The following PRIM2 variants were observed in gnomAD, a reference collection of about 807,000 sequenced individuals.
PRIM2 encodes the protein DNA primase subunit 2.
A neutral mutation model predicts 67.3 loss-of-function variants in PRIM2; 39 were observed. The observed-to-expected ratio is 0.58, with a 90% CI of 0.45 to 0.76. The LOEUF is 0.76. PRIM2 is among the 30% of genes least tolerant of loss of function. The probability of loss-of-function intolerance (pLI) is 0.00; values close to 1 mark genes in which losing one functional copy is unlikely to be tolerated. For synonymous variants in PRIM2, 143 were observed against 198.7 expected (o/e 0.72, Z 2.36); for missense variants, 398 against 598.7 (o/e 0.66, Z 3.50).
intron 7 of PRIM2, among the ~76,000 whole-genome samples, chr6:57,455,721 T>C (rs1260647641): frequency 6.6e-6 from 1 of 152,216 alleles, no homozygotes; most frequent in Non-Finnish European, 1.5e-5. Flanking sequence ...GCCCATTGAT[T>C]GGTCTTGACT....
At chr6:57,232,186 G>T in the PRIM2 span, among the ~76,000 whole-genome samples, 1 of 152,170 alleles carries the variant, frequency 6.6e-6, no homozygotes, top group African/African-American at 2.4e-5. Context: ...ATTAATGATG[G>T]TTATAGACAT....
At chr6:57,292,548 A>G in the PRIM2 span, among the ~76,000 whole-genome samples, 1 of 152,190 alleles carries the variant, frequency 6.6e-6, no homozygotes, top group Non-Finnish European at 1.5e-5. Flanking sequence ...AGACAATCCC[A>G]AGCCAAAAGA....
chr6:57,627,746 A>G (rs1776977431), intron 12 of PRIM2, among the ~76,000 whole-genome samples: 1 of 152,164 alleles, frequency 6.6e-6, no homozygotes, highest in African/African-American at 2.4e-5. Context: ...CAGTAAGTGG[A>G]TTGTTACACT....
chr6:57,372,701 G>C (rs1041137351), intron 5 of PRIM2, among the ~76,000 whole-genome samples: 12 of 152,158 alleles, frequency 7.9e-5, no homozygotes, highest in Non-Finnish European at 1.8e-4. Flanking sequence ...GAGAACATGT[G>C]GTATTTGGTT....
At chr6:57,339,488 G>A (rs1235619126) in intron 5 of PRIM2, among the ~76,000 whole-genome samples, 9 of 152,098 alleles carry the variant, frequency 5.9e-5, no homozygotes, top group Non-Finnish European at 1.3e-4. Context: ...AAACAGCATG[G>A]TACTGGTACC....
chr6:57,376,389 A>G (rs1769766800), intron 5 of PRIM2, among the ~76,000 whole-genome samples: 1 of 152,202 alleles, frequency 6.6e-6, no homozygotes. Context: ...TCAAACCCTG[A>G]TGACTAAGGA....
At chr6:57,227,528 C>T in the PRIM2 span, among the ~76,000 whole-genome samples, 2 of 151,012 alleles carry the variant, frequency 1.3e-5, no homozygotes, top group Admixed American at 6.6e-5. Flanking sequence ...CCTGTAATCT[C>T]AGCTACTCAG....
At chr6:57,262,349 G>C in the PRIM2 span, among the ~76,000 whole-genome samples, 1 of 151,980 alleles carries the variant, frequency 6.6e-6, no homozygotes, top group African/African-American at 2.4e-5. Flanking sequence ...GATTATTTAT[G>C]GCGTAAATCC....
intron 11 of PRIM2, among the ~76,000 whole-genome samples, chr6:57,601,669 C>T (rs1429569691): frequency 3.3e-5 from 5 of 152,094 alleles, no homozygotes; most frequent in Non-Finnish European, 7.4e-5. Context: ...GATTAACCAA[C>T]AAAGATTAAG....
chr6:57,274,045 G>A, the PRIM2 span, among the ~76,000 whole-genome samples: 9 of 152,296 alleles, frequency 5.9e-5, no homozygotes, highest in African/African-American at 1.7e-4. Flanking sequence ...CTACTGGGGG[G>A]TGCCTCCCAG....
At chr6:57,240,877 C>T in the PRIM2 span, among the ~76,000 whole-genome samples, 1 of 151,938 alleles carries the variant, frequency 6.6e-6, no homozygotes, top group Non-Finnish European at 1.5e-5. Flanking sequence ...TCACTTCAAC[C>T]CAGAAGTTCA....
the PRIM2 span, among the ~76,000 whole-genome samples, chr6:57,306,482 G>C: frequency 6.6e-6 from 1 of 152,142 alleles, no homozygotes; most frequent in Admixed American, 6.5e-5. Context: ...CAGTAAAAAG[G>C]ACCTTTGCAT....
At chr6:57,441,638 A>G (rs1772207162) in intron 7 of PRIM2, among the ~76,000 whole-genome samples, 1 of 152,232 alleles carries the variant, frequency 6.6e-6, no homozygotes, top group African/African-American at 2.4e-5. Flanking sequence ...AATCATTAAG[A>G]TATTATGACT....
intron 10 of PRIM2, among the ~76,000 whole-genome samples, chr6:57,574,403 T>G (rs1775924570): frequency 6.6e-6 from 1 of 152,164 alleles, no homozygotes; most frequent in South Asian, 2.1e-4. Flanking sequence ...TACACTTTCC[T>G]TGCTTGTTTG....
In PRIM2 at chr6:57,348,111, G is replaced by A. The variant is rs182119505; in HGVS notation, c.459+22066G>A. Among the ~76,000 whole-genome samples, 691 of 151,902 alleles carry A rather than the reference G, an allele frequency of 4.5e-3. 6 individuals are homozygous for A. The highest frequency in any genetic ancestry group is 6.1e-3 in the Admixed American group (93 of 15,262). ...TAAATATACCATTGGTAGCTTTCTCGGTATAATATTGCCATCTCTAGGGAA... is the reference window on the plus strand; with the variant it reads ...TAAATATACCATTGGTAGCTTTCTCAGTATAATATTGCCATCTCTAGGGAA... On this transcript the variant is annotated intron_variant, in intron 5 of 13. Transcript: ENST00000615550.
chr6:57,315,024 A>G (rs1337346063), upstream of PRIM2: 1 of 152,230 alleles, frequency 6.6e-6, no homozygotes, highest in Non-Finnish European at 1.5e-5. Context: ...TTTTAATATG[A>G]TGAAAAGGCA....
At chr6:57,639,391 T>C (rs1187024246) in intron 13 of PRIM2, among the ~76,000 whole-genome samples, 4 of 151,502 alleles carry the variant, frequency 2.6e-5, no homozygotes, top group African/African-American at 9.7e-5. Flanking sequence ...TGGCAAGAAA[T>C]AACTAAGATC....
intron 10 of PRIM2, among the ~76,000 whole-genome samples, chr6:57,570,093 A>G: frequency 6.6e-6 from 1 of 152,162 alleles, no homozygotes; most frequent in East Asian, 1.9e-4. Context: ...GTGGATGTGA[A>G]AGTGAATTGT....
At chr6:57,569,765 TG>T (rs1230807515) in intron 10 of PRIM2, among the ~76,000 whole-genome samples, 138 of 152,172 alleles carry the variant, frequency 9.1e-4, no homozygotes, top group Non-Finnish European at 1.7e-3. Context: ...TTTTTTTTTT[TG>T]AGATGGAGTC....
Sources: gnomAD v4.1 joint callset for allele counts (sites outside exome capture counted in the v4.1 genomes callset) on GRCh38, gnomAD v4.1.1 for gene constraint, MANE v1.5 for transcripts, NCBI Gene and HGNC (gene_info 2026-07-23, HGNC 2026-07-21) for gene names.